Variants in ANKRD18B observed in about 807,000 individuals in gnomAD.
ANKRD18B encodes ankyrin repeat domain 18B.
ANKRD18B carries 75 observed loss-of-function variants against 111.8 expected under a neutral mutation model. That is an observed-to-expected ratio of 0.67 (90% confidence interval 0.56 to 0.81). The LOEUF (loss-of-function observed/expected upper bound fraction) is 0.81. ANKRD18B is among the 40% of genes least tolerant of loss of function. ANKRD18B has a pLI of 0.00. For missense variants in ANKRD18B, 1,038 were observed against 1,225.5 expected (o/e 0.85, Z 2.28); for synonymous variants, 356 against 417.3 (o/e 0.85, Z 1.79).
At chr9:33,537,054 T>C in intron 6 of ANKRD18B, 109 bp downstream of exon 6, 3 of 769,554 alleles carry the variant, frequency 3.9e-6, no homozygotes, top group Non-Finnish European at 5.6e-6. Flanking sequence ...CCCAGCACTT[T>C]GGGAGGCCGA....
intron 15 of ANKRD18B, 59 bp downstream of exon 15, chr9:33,566,559 A>G: frequency 6.4e-7 from 1 of 1,559,726 alleles, no homozygotes; most frequent in Non-Finnish European, 8.7e-7. Flanking sequence ...TTTCACTGCA[A>G]ACTGTATTTT....
intron 17 of ANKRD18B, among the ~76,000 whole-genome samples, chr9:33,569,449 G>A (rs1445209422): frequency 6.6e-6 from 1 of 151,754 alleles, no homozygotes; most frequent in East Asian, 1.9e-4. Flanking sequence ...ATTTTTAGTA[G>A]AGATAGGATT....
rs1193419352 is a variant in ANKRD18B at position 33,524,581 on chromosome 9, G to C, written c.92G>C (p.Arg31Pro). The C allele has an allele frequency of 1.3e-6, 2 of 1,551,406 alleles. No individual in the cohort carries two copies. Among genetic ancestry groups the C allele is most frequent in the African/African-American group, 1.4e-5 (1 of 73,050 alleles). ...TATGCGGGTCGGGGGTACCACATTC[G>C]GGACTGGGAACTGCGGAAGATCCAC... is the stretch of plus-strand genomic sequence containing the variant. The part of the protein sequence containing the change: ...QEYAGRGYHI[R>P]DWELRKIHRA... Residue 31 changes from arginine to proline, a missense_variant, in exon 1 of 19, where the codon CGG (arginine) becomes CCG (proline). Coordinates refer to ENST00000684830, the MANE Select transcript of ANKRD18B (RefSeq NM_001393611.1).
chr9:33,548,565 AAGCAG>A lies in ANKRD18B; in HGVS notation c.1779_1783del (p.Lys593AsnfsTer8). The stretch of plus-strand genomic sequence containing the variant: ...AGCGCAGCATCGAATAAAGGAAATG[AAGCAG>A]ATGCATCCAAATGGGGAAGCTAAAG... On this transcript the variant is annotated frameshift_variant, in exon 11 of 19. Transcript: ENST00000684830. LOFTEE classifies it high-confidence loss of function. The A allele has an allele frequency of 6.4e-7, 1 of 1,551,266 alleles. No homozygotes were observed. Among genetic ancestry groups the A allele is most frequent in the South Asian group, 1.2e-5 (1 of 83,976 alleles).
In ANKRD18B at chr9:33,534,458, A is replaced by G; in HGVS notation, c.691A>G (p.Met231Val). 1.9e-6 allele frequency: 3 copies of G among 1,550,838 alleles called. No homozygotes were observed. Among genetic ancestry groups the G allele is most frequent in the East Asian group, 4.9e-5 (2 of 40,890 alleles). Residue 231 changes from methionine (M) to valine (V), a missense_variant, in exon 5 of 19, where the codon ATG becomes GTG. Physicochemically the swap from Met to Val is conservative, Grantham distance 21. Transcript: ENST00000684830. ...AAATATACATATCTCTTCTCAAGAC[A>G]TGTTTGGCCAAACTGCCGAGGATTA... is the stretch of plus-strand genomic sequence containing the variant. The part of the protein sequence containing the change: ...QQNIHISSQD[M>V]FGQTAEDYAF...
chr9:33,567,328 TATACTC>T lies in ANKRD18B; in HGVS notation c.2954+18_2954+23del. 2 of 1,530,350 alleles carry T rather than the reference TATACTC, an allele frequency of 1.3e-6. No homozygotes were observed. Among genetic ancestry groups the T allele is most frequent in the Non-Finnish European group, 1.8e-6 (2 of 1,139,970 alleles). The allele number at this position is 1,530,350 out of a possible 1,614,324, so 94.8% of individuals were successfully genotyped here. A position where few individuals can be genotyped will look rare whatever the true frequency, so the allele number is the denominator to read the frequency against. ...AAAAATAACGAAGTAAGTCAAAACA[TATACTC>T]ATAGAAAATGAATTAAACTCATTAA... On this transcript the variant is annotated intron_variant, in intron 16 of 18. Coordinates refer to ENST00000684830, the MANE Select transcript of ANKRD18B (RefSeq NM_001393611.1).
chr9:33,558,199 AATT>A lies in ANKRD18B; in HGVS notation c.2460+19_2460+21del, dbSNP rs967599907. The A allele has an allele frequency of 1.9e-6, 3 of 1,599,856 alleles. No homozygotes were observed. The African/African-American group carries it at 4.1e-5, about 22-fold the overall frequency. On this transcript the variant is annotated intron_variant, in intron 14 of 18. Coordinates refer to ENST00000684830, the MANE Select transcript of ANKRD18B (RefSeq NM_001393611.1). ...AGCTAAAACAGAAGGTAATTTAAAA[AATT>A]ATTATTTTATCTTAAGGTCTAGATT...
chr9:33,564,207 G>A (rs1828652100), intron 14 of ANKRD18B, among the ~76,000 whole-genome samples: 1 of 152,154 alleles, frequency 6.6e-6, no homozygotes, highest in East Asian at 1.9e-4. Flanking sequence ...TGATTCTCCT[G>A]CCTCGGTCTT....
chr9:33,571,220 A>AT (rs1828770707), intron 17 of ANKRD18B, 26 bp from the exon 18 acceptor site: 7 of 839,834 alleles, frequency 8.3e-6, no homozygotes, highest in South Asian at 3.9e-5. Flanking sequence ...AAACATTATT[A>AT]TTATTTTTTT....
intron 10 of ANKRD18B, among the ~76,000 whole-genome samples, chr9:33,546,112 A>G (rs1828351841): frequency 6.6e-6 from 1 of 152,192 alleles, no homozygotes; most frequent in South Asian, 2.1e-4. Context: ...TCTTTTTTCT[A>G]TATTCATTTA....
intron 12 of ANKRD18B, among the ~76,000 whole-genome samples, chr9:33,554,299 C>G (rs1261784533): frequency 6.6e-6 from 1 of 152,038 alleles, no homozygotes; most frequent in Non-Finnish European, 1.5e-5. Context: ...AAAGTAACAT[C>G]CATAAGAATC....
intron 17 of ANKRD18B, among the ~76,000 whole-genome samples, chr9:33,570,358 T>C (rs1828751781): frequency 1.3e-5 from 2 of 152,126 alleles, no homozygotes; most frequent in Non-Finnish European, 2.9e-5. Flanking sequence ...GCTCACTACC[T>C]GTGTGATGGG....
chr9:33,554,246 G>T (rs1828490412), intron 12 of ANKRD18B, among the ~76,000 whole-genome samples: 1 of 152,168 alleles, frequency 6.6e-6, no homozygotes, highest in Admixed American at 6.5e-5. Flanking sequence ...TATCCTAAGG[G>T]TGAGACAGCC....
intron 13 of ANKRD18B, among the ~76,000 whole-genome samples, chr9:33,557,701 T>C (rs544330403): frequency 6.6e-6 from 1 of 152,028 alleles, no homozygotes; most frequent in South Asian, 2.1e-4. Context: ...GACAGGAGAA[T>C]CACTTGAACC....
At chr9:33,570,665 G>A (rs1245080012) in intron 17 of ANKRD18B, among the ~76,000 whole-genome samples, 2 of 146,460 alleles carry the variant, frequency 1.4e-5, no homozygotes, top group African/African-American at 5.1e-5. Flanking sequence ...TTGAGATGGA[G>A]TTTCGCTCTG....
chr9:33,538,620 C>T (rs1165382042), intron 6 of ANKRD18B, among the ~76,000 whole-genome samples: 1 of 151,894 alleles, frequency 6.6e-6, no homozygotes, highest in Non-Finnish European at 1.5e-5. Flanking sequence ...CCTGTATTCC[C>T]AACTACTCGG....
intron 3 of ANKRD18B, among the ~76,000 whole-genome samples, chr9:33,531,926 G>A (rs1045105926): frequency 3.3e-5 from 5 of 152,008 alleles, no homozygotes; most frequent in Admixed American, 6.5e-5. Flanking sequence ...TTTCTTCTCA[G>A]CAATGTCCCT....
rs1827999821 is a variant in ANKRD18B at position 33,524,666 on chromosome 9, G to A, written c.177G>A (p.Arg59=). ...AGCACTGCCTGACGCGCAGGTTCCG[G>A]GACTTGGACGTCCGCGACAGAAAAG... ...EVEHCLTRRF[R]DLDVRDRKDR... Residue 59 remains arginine, a synonymous_variant, in exon 1 of 19, where the codon CGG becomes CGA. Coordinates refer to ENST00000684830, the MANE Select transcript of ANKRD18B (RefSeq NM_001393611.1). 1.9e-6 allele frequency: 3 copies of A among 1,550,858 alleles called. No homozygotes were observed. The highest frequency in any genetic ancestry group is 2.6e-6 in the Non-Finnish European group (3 of 1,146,718).
intron 12 of ANKRD18B, among the ~76,000 whole-genome samples, chr9:33,551,144 G>A (rs936173513): frequency 1.5e-4 from 23 of 152,148 alleles, no homozygotes; most frequent in Non-Finnish European, 2.6e-4. Context: ...TTGTAATGGC[G>A]TAGAAATACT....
Sources: allele counts gnomAD v4.1 joint callset (sites outside exome capture counted in the v4.1 genomes callset), GRCh38; gene constraint gnomAD v4.1.1; transcripts MANE v1.5; gene names NCBI Gene and HGNC (gene_info 2026-07-23, HGNC 2026-07-21).